The following UBE2V2 variants were observed in gnomAD, a reference collection of about 807,000 sequenced individuals.
UBE2V2 encodes the protein ubiquitin-conjugating enzyme E2 variant 2.
In UBE2V2, 9 loss-of-function variants were observed where a neutral mutation model predicts 17.2. The ratio of observed to expected loss-of-function variants is 0.52; its 90% confidence interval spans 0.32 to 0.91. The LOEUF (loss-of-function observed/expected upper bound fraction) is 0.91. Among genes scored for constraint, UBE2V2 ranks in the 40% least tolerant of loss-of-function variants. The probability of loss-of-function intolerance (pLI) is 0.04; values close to 1 mark genes in which losing one functional copy is unlikely to be tolerated. For missense variants in UBE2V2, 133 were observed against 182.6 expected (o/e 0.73, Z 1.56); for synonymous variants, 61 against 57.5 (o/e 1.06, Z -0.28).
At chr8:48,053,326 A>G (rs1214641734) in intron 3 of UBE2V2, among the ~76,000 whole-genome samples, 1 of 152,168 alleles carries the variant, frequency 6.6e-6, no homozygotes, top group Admixed American at 6.5e-5. Flanking sequence ...TTCTAACATA[A>G]TAGAAGTTTT....
At chr8:48,020,313 AG>A (rs2091296296) in intron 1 of UBE2V2, among the ~76,000 whole-genome samples, 1 of 152,102 alleles carries the variant, frequency 6.6e-6, no homozygotes, top group Admixed American at 6.6e-5. Flanking sequence ...CTGGGATTAT[AG>A]GGTCTTGTTC....
chr8:48,001,046 C>A, the UBE2V2 span, among the ~76,000 whole-genome samples: 1 of 152,036 alleles, frequency 6.6e-6, no homozygotes, highest in African/African-American at 2.4e-5. Context: ...GTGGATTGAG[C>A]CTTTCAAATA....
Position 48,022,823 on chromosome 8 carries a change from T to A in UBE2V2, c.16+14353T>A, listed in dbSNP as rs1201950031. Among the ~76,000 whole-genome samples, 15 of 151,654 alleles carry A rather than the reference T, an allele frequency of 9.9e-5. 1 individual carries two copies. The Middle Eastern group carries it at 0.01, about 103-fold the overall frequency. ...TCCTGGTCGCATTTTTTTTTTTTTT[T>A]AAAGAGAGACAAGGTCTGTTGCCCA... On this transcript the variant is annotated intron_variant, in intron 1 of 3. Coordinates refer to ENST00000523111, the MANE Select transcript of UBE2V2 (RefSeq NM_003350.3).
chr8:48,035,708 G>A (rs1387933132), intron 1 of UBE2V2, among the ~76,000 whole-genome samples: 2 of 27,460 alleles, frequency 7.3e-5, no homozygotes, highest in Non-Finnish European at 1.5e-4. Flanking sequence ...GACTGGGCCC[G>A]GGTTCAAGTG....
chr8:48,039,759 G>T (rs1469176999), intron 1 of UBE2V2, among the ~76,000 whole-genome samples: 1 of 151,802 alleles, frequency 6.6e-6, no homozygotes, highest in Non-Finnish European at 1.5e-5. Flanking sequence ...TTGAGACAGG[G>T]TTTCACTCTG....
chr8:48,029,456 CT>C (rs2091368144), intron 1 of UBE2V2, among the ~76,000 whole-genome samples: 1 of 152,158 alleles, frequency 6.6e-6, no homozygotes, highest in South Asian at 2.1e-4. Flanking sequence ...GTTGTGATTA[CT>C]GTATGACAGA....
chr8:48,049,902 A>G lies in UBE2V2; in HGVS notation c.215A>G (p.Lys72Arg), dbSNP rs778228088. 5.0e-6 allele frequency: 8 copies of G among 1,591,772 alleles called. No homozygotes were observed. Reference protein sequence around the residue: ...IYSLKVECGPKYPEAPPSVRF... With the variant: ...IYSLKVECGPRYPEAPPSVRF... ...AGCCTGAAAGTAGAATGTGGACCTA[A>G]ATACCCAGAAGCTCCTCCGTCAGTT... Residue 72 changes from lysine (K) to arginine (R), a missense_variant, in exon 3 of 4, where the codon AAA (lysine) becomes AGA (arginine). Lys to Arg is a conservative substitution (Grantham distance 26, BLOSUM62 2). Transcript: ENST00000523111.
intron 1 of UBE2V2, among the ~76,000 whole-genome samples, chr8:48,028,881 T>C (rs2154507258): frequency 6.6e-6 from 1 of 152,284 alleles, no homozygotes; most frequent in African/African-American, 2.4e-5. Flanking sequence ...ATCAGATGTA[T>C]GGTTTGCAAG....
At chr8:48,005,211 C>T (rs1267863099), upstream of UBE2V2, among the ~76,000 whole-genome samples, 3 of 151,794 alleles carry the variant, frequency 2.0e-5, no homozygotes, top group Non-Finnish European at 4.4e-5. Context: ...ATGTTCCCCT[C>T]CCTGTGTCCA....
intron 1 of UBE2V2, among the ~76,000 whole-genome samples, chr8:48,037,190 G>A (rs1445974543): frequency 6.6e-6 from 1 of 152,194 alleles, no homozygotes; most frequent in Non-Finnish European, 1.5e-5. Flanking sequence ...AGAAAAATAC[G>A]TATATAGGTT....
At chr8:48,010,221 G>T (rs993459026) in intron 1 of UBE2V2, among the ~76,000 whole-genome samples, 1 of 151,020 alleles carries the variant, frequency 6.6e-6, no homozygotes, top group African/African-American at 2.4e-5. Context: ...TTAGCATATT[G>T]TACATAGGGA....
chr8:47,998,138 A>AT, the UBE2V2 span, among the ~76,000 whole-genome samples: 8 of 152,016 alleles, frequency 5.3e-5, no homozygotes, highest in Non-Finnish European at 1.2e-4. Context: ...TTTTCGGACC[A>AT]TTGGGAGTCA....
chr8:48,055,437 G>A (rs2091565424), intron 3 of UBE2V2, among the ~76,000 whole-genome samples: 3 of 151,980 alleles, frequency 2.0e-5, no homozygotes, highest in African/African-American at 7.2e-5. Flanking sequence ...CTGATTTCAG[G>A]CGATCCACCC....
intron 3 of UBE2V2, among the ~76,000 whole-genome samples, chr8:48,054,801 A>C (rs2091561111): frequency 1.3e-5 from 2 of 152,196 alleles, no homozygotes; most frequent in African/African-American, 4.8e-5. Context: ...GTGAGATCTC[A>C]CATTTTGGAG....
chr8:48,063,066 T>C lies in UBE2V2; in HGVS notation c.*2238T>C, dbSNP rs543847235. 9.2e-5 allele frequency: 14 copies of C among 152,370 alleles called. No homozygotes were observed. The highest frequency in any genetic ancestry group is 2.6e-4 in the Admixed American group (4 of 15,306). The allele number at this position is 152,370 out of a possible 1,614,324, so 9.4% of individuals were successfully genotyped here. A position where few individuals can be genotyped will look rare whatever the true frequency, so the allele number is the denominator to read the frequency against. ...AAGCTAGTAACTACGTGAATGCTGTTGGCAGGATGAGGGTCTGGGTACCTC... is the reference window on the plus strand; with the variant it reads ...AAGCTAGTAACTACGTGAATGCTGTCGGCAGGATGAGGGTCTGGGTACCTC... On this transcript the variant is annotated 3_prime_UTR_variant, in exon 4 of 4. Transcript: ENST00000523111.
At position 48,043,178 on chromosome 8, in the gene UBE2V2, A is replaced by C. The variant is rs1243844448; in HGVS notation, c.162A>C (p.Pro54=). ...GGACAGGCATGATTATTGGGCCACCAAGGGTCAGTGTTATAAATTATATTT... is the reference window on the plus strand; with the variant it reads ...GGACAGGCATGATTATTGGGCCACCCAGGGTCAGTGTTATAAATTATATTT... ...TRWTGMIIGP[P]RTNYENRIYS... The change falls in exon 2 of 4, where the codon CCA becomes CCC. Residue 54 remains proline, a synonymous_variant. Coordinates refer to ENST00000523111, the MANE Select transcript of UBE2V2 (RefSeq NM_003350.3). 1.7e-5 allele frequency: 26 copies of C among 1,507,944 alleles called. No homozygotes were observed. Among genetic ancestry groups the C allele is most frequent in the Non-Finnish European group, 2.0e-5 (22 of 1,126,326 alleles). The allele number at this position is 1,507,944 out of a possible 1,614,324, so 93.4% of individuals were successfully genotyped here.
In UBE2V2 at chr8:48,045,093, C is replaced by A. The variant is rs1017970929; in HGVS notation, c.165+1912C>A. On this transcript the variant is annotated intron_variant, in intron 2 of 3. Transcript: ENST00000523111. ...AGGCTGCTTCTCTGCAACTCTCTCC[C>A]CTCTCAGGGCACACAGACAAAATGC... is the stretch of plus-strand genomic sequence containing the variant. 2.6e-5 allele frequency among the ~76,000 whole-genome samples: 4 copies of A among 152,282 alleles called. No homozygotes were observed. In the South Asian group the frequency reaches 8.3e-4, roughly 32 times the overall value.
At chr8:48,014,946 A>G (rs2091258491) in intron 1 of UBE2V2, among the ~76,000 whole-genome samples, 1 of 150,374 alleles carries the variant, frequency 6.7e-6, no homozygotes, top group African/African-American at 2.5e-5. Flanking sequence ...GCTACTGGGG[A>G]GACTGAAGCA....
intron 2 of UBE2V2, chr8:48,049,508 A>T (rs1379377636): frequency 5.3e-6 from 1 of 187,796 alleles, no homozygotes; most frequent in Non-Finnish European, 1.1e-5. Context: ...CAAAATCTAA[A>T]TTTAAGTGGT....
Sources: allele counts gnomAD v4.1 joint callset (sites outside exome capture counted in the v4.1 genomes callset), GRCh38; gene constraint gnomAD v4.1.1; transcripts MANE v1.5; gene names NCBI Gene and HGNC (gene_info 2026-07-23, HGNC 2026-07-21).